Variants in RAB38 observed in about 807,000 individuals in gnomAD.
The protein encoded by RAB38 is RAB38, member RAS oncogene family, also known as ras-related protein Rab-38.
A neutral mutation model predicts 18.4 loss-of-function variants in RAB38; 15 were observed. The ratio of observed to expected loss-of-function variants is 0.82; its 90% CI spans 0.55 to 1.26. RAB38 has a LOEUF of 1.26. Among genes scored for constraint, RAB38 ranks in the 50% most tolerant of loss-of-function variants. The pLI is 0.00. For synonymous variants in RAB38, 101 were observed against 104.4 expected, an observed-to-expected ratio of 0.97 and a Z score of 0.20; for missense variants, 294 against 267.4, an observed-to-expected ratio of 1.10 and a Z score of -0.69.
At chr11:88,058,018 C>T in the RAB38 span, among the ~76,000 whole-genome samples, 1 of 152,038 alleles carries the variant, frequency 6.6e-6, no homozygotes, top group African/African-American at 2.4e-5. Context: ...AGGTGAGTGG[C>T]CATGTATTTT....
the RAB38 span, among the ~76,000 whole-genome samples, chr11:87,807,552 T>C: frequency 1.3e-5 from 2 of 152,188 alleles, no homozygotes; most frequent in African/African-American, 4.8e-5. Flanking sequence ...ATGCTGACTA[T>C]TTTAACACAT....
the RAB38 span, among the ~76,000 whole-genome samples, chr11:87,940,061 A>C: frequency 6.6e-6 from 1 of 152,068 alleles, no homozygotes; most frequent in Non-Finnish European, 1.5e-5. Context: ...ATCAAACAAA[A>C]AATCCAGTGA....
At chr11:87,865,698 GA>G in the RAB38 span, among the ~76,000 whole-genome samples, 1 of 151,532 alleles carries the variant, frequency 6.6e-6, no homozygotes, top group Non-Finnish European at 1.5e-5. Context: ...AGGTAGAGAA[GA>G]AAAGAAGGAA....
the RAB38 span, among the ~76,000 whole-genome samples, chr11:87,977,407 T>C: frequency 1.6e-5 from 1 of 60,702 alleles, no homozygotes; most frequent in Admixed American, 2.0e-4. Flanking sequence ...ATAATTATAT[T>C]ATAAAATATA....
chr11:88,174,693 C>G (rs2134864614), intron 1 of RAB38, among the ~76,000 whole-genome samples: 1 of 142,598 alleles, frequency 7.0e-6, no homozygotes, highest in African/African-American at 2.6e-5. Context: ...AGAAAGGTGA[C>G]AAAATTTGAA....
At chr11:88,108,440 C>A (rs187217763), downstream of RAB38, among the ~76,000 whole-genome samples, 3 of 152,012 alleles carry the variant, frequency 2.0e-5, no homozygotes, top group Non-Finnish European at 4.4e-5. Context: ...AGGATTGCAA[C>A]CCGGTTTTTG....
At chr11:87,927,216 T>C in the RAB38 span, among the ~76,000 whole-genome samples, 12 of 152,064 alleles carry the variant, frequency 7.9e-5, no homozygotes, top group African/African-American at 2.9e-4. Flanking sequence ...GGCTGTGAGC[T>C]ACCTGCAGGT....
At chr11:87,912,079 T>C in the RAB38 span, among the ~76,000 whole-genome samples, 1 of 151,992 alleles carries the variant, frequency 6.6e-6, no homozygotes, top group Non-Finnish European at 1.5e-5. Context: ...GAATTAACCA[T>C]ATTATATATC....
chr11:88,174,637 A>AAAAAAC (rs1555014231), intron 1 of RAB38, among the ~76,000 whole-genome samples: 3 of 133,674 alleles, frequency 2.2e-5, no homozygotes, highest in African/African-American at 5.5e-5. Context: ...AAAAAAAAAA[A>AAAAAAC]AAAACAAAAC....
the RAB38 span, among the ~76,000 whole-genome samples, chr11:88,026,546 G>A: frequency 8.5e-6 from 1 of 117,380 alleles, no homozygotes; most frequent in Admixed American, 1.1e-4. Context: ...CTGGGCTACA[G>A]AGCGAGACTC....
chr11:88,175,031 C>G, intron 1 of RAB38, 152 bp downstream of exon 1: 2 of 1,018,314 alleles, frequency 2.0e-6, no homozygotes, highest in East Asian at 2.6e-5. Flanking sequence ...AGACGTTTTT[C>G]TTTTCTTTGA....
intron 1 of RAB38, among the ~76,000 whole-genome samples, chr11:88,161,093 T>A (rs1360261724): frequency 6.6e-6 from 1 of 152,122 alleles, no homozygotes. Flanking sequence ...GTGACTCTTA[T>A]ATGCCCAAGA....
At chr11:88,169,418 C>A (rs1187480045) in intron 1 of RAB38, among the ~76,000 whole-genome samples, 2 of 152,162 alleles carry the variant, frequency 1.3e-5, no homozygotes, top group Non-Finnish European at 2.9e-5. Flanking sequence ...AAAAAACAAT[C>A]CTGTTTTCAC....
chr11:87,826,666 A>C, the RAB38 span, among the ~76,000 whole-genome samples: 4 of 152,268 alleles, frequency 2.6e-5, no homozygotes, highest in East Asian at 7.7e-4. Flanking sequence ...ATAACTCTTA[A>C]ATTTCCATTA....
chr11:88,076,578 A>C, the RAB38 span, among the ~76,000 whole-genome samples: 1 of 152,188 alleles, frequency 6.6e-6, no homozygotes, highest in Non-Finnish European at 1.5e-5. Flanking sequence ...GTAACATTGC[A>C]GGATATAAAA....
chr11:88,022,611 C>CAAAAAAAAAAAAAAAAA, the RAB38 span, among the ~76,000 whole-genome samples: 4 of 52,092 alleles, frequency 7.7e-5, no homozygotes, highest in Non-Finnish European at 1.0e-4. Flanking sequence ...AAAGACCCCA[C>CAAAAAAAAAAAAAAAAA]AAAAAAAAAA....
chr11:88,155,124 C>T (rs1392092147), intron 1 of RAB38, among the ~76,000 whole-genome samples: 1 of 152,184 alleles, frequency 6.6e-6, no homozygotes, highest in Non-Finnish European at 1.5e-5. Flanking sequence ...TGGTAGCTGC[C>T]CCCCAGATTC....
the RAB38 span, among the ~76,000 whole-genome samples, chr11:88,027,277 A>G: frequency 6.6e-6 from 1 of 152,124 alleles, no homozygotes; most frequent in East Asian, 1.9e-4. Flanking sequence ...TCCAGTCTAC[A>G]GCTCCCAGTG....
the RAB38 span, among the ~76,000 whole-genome samples, chr11:87,808,099 T>G: frequency 1.3e-5 from 2 of 152,186 alleles, no homozygotes; most frequent in Non-Finnish European, 2.9e-5. Flanking sequence ...CACTTGCACA[T>G]TATTGGTAGG....
Sources: gnomAD v4.1 joint callset for allele counts (sites outside exome capture counted in the v4.1 genomes callset) on GRCh38, gnomAD v4.1.1 for gene constraint, MANE v1.5 for transcripts, NCBI Gene and HGNC (gene_info 2026-07-23, HGNC 2026-07-21) for gene names.